CPPED1: variants seen among roughly 807,000 people sequenced by gnomAD.
The protein encoded by CPPED1 is calcineurin like phosphoesterase domain containing 1, also known as serine/threonine-protein phosphatase CPPED1.
Under a neutral mutation model 28.0 loss-of-function variants are expected in CPPED1, and 28 were observed. The observed-to-expected ratio is 1.00, with a 90% confidence interval of 0.74 to 1.37. The LOEUF is 1.37. Ranked by LOEUF, CPPED1 falls within the 40% of genes most tolerant of loss-of-function variation. CPPED1 has a pLI of 0.00. For missense variants in CPPED1, 504 were observed against 416.5 expected, an observed-to-expected ratio of 1.21 and a Z score of -1.83; for synonymous variants, 198 against 180.2, an observed-to-expected ratio of 1.10 and a Z score of -0.79.
intron 3 of CPPED1, among the ~76,000 whole-genome samples, chr16:12,702,527 G>A (rs1374284880): frequency 6.6e-6 from 1 of 151,744 alleles, no homozygotes; most frequent in Non-Finnish European, 1.5e-5. Context: ...GACAAAGCAA[G>A]ACTCTCAATC....
Position 12,709,785 on chromosome 16 carries a change from G to C in CPPED1, c.290-4736C>G, listed in dbSNP as rs1281847726. Reference sequence around the variant, plus strand: ...GACTGACTGCCTTCCTCCAAGATCAGGAACAAGACAAGGAAGTCTGCTCTC... The same window carrying C: ...GACTGACTGCCTTCCTCCAAGATCACGAACAAGACAAGGAAGTCTGCTCTC... On this transcript the variant is annotated intron_variant, in intron 2 of 3. Coordinates refer to ENST00000381774, the MANE Select transcript of CPPED1 (RefSeq NM_018340.3). The surrounding 1 kb of genome is among the most constrained non-coding windows in gnomAD (Gnocchi z 4.4). Among the ~76,000 whole-genome samples the C allele has an allele frequency of 2.0e-5, 3 of 152,026 alleles. No individual in the cohort carries two copies. Among genetic ancestry groups the C allele is most frequent in the Non-Finnish European group, 4.4e-5 (3 of 68,018 alleles).
Position 12,803,813 on chromosome 16 carries a change from G to A in CPPED1, c.-37C>T. On this transcript the variant is annotated 5_prime_UTR_variant, in exon 1 of 4. It adds an upstream start codon to the 5' untranslated region. Transcript: ENST00000381774. ...TTCTGGCCTTCACTTAGAACACTGC[G>A]TGGGTGGAAGCCGCGCGACTTCACA... 5 of 1,570,970 alleles carry A rather than the reference G, an allele frequency of 3.2e-6. No homozygotes were observed. The highest frequency in any genetic ancestry group is 4.3e-6 in the Non-Finnish European group (5 of 1,157,896).
chr16:12,675,591 C>A (rs983209282), intron 3 of CPPED1, among the ~76,000 whole-genome samples: 1 of 152,164 alleles, frequency 6.6e-6, no homozygotes, highest in African/African-American at 2.4e-5. Flanking sequence ...GAGATGCAAC[C>A]CAGTACAATT....
intron 1 of CPPED1, among the ~76,000 whole-genome samples, chr16:12,797,169 C>T (rs1339182857): frequency 1.3e-5 from 2 of 152,130 alleles, no homozygotes; most frequent in Non-Finnish European, 1.5e-5. Context: ...TAGATTGTGA[C>T]TACACCACTC....
intron 2 of CPPED1, among the ~76,000 whole-genome samples, chr16:12,751,270 G>C (rs939088308): frequency 6.6e-6 from 1 of 152,144 alleles, no homozygotes; most frequent in Non-Finnish European, 1.5e-5. Flanking sequence ...TGTTCCAGCA[G>C]AGTGTTCTTA....
At chr16:12,756,750 C>T (rs535498081) in intron 2 of CPPED1, among the ~76,000 whole-genome samples, 16 of 152,092 alleles carry the variant, frequency 1.1e-4, no homozygotes, top group Non-Finnish European at 1.9e-4. Context: ...TCCCTTGACA[C>T]ATGCCAGGAA....
At chr16:12,726,161 C>T (rs1008601698) in intron 2 of CPPED1, among the ~76,000 whole-genome samples, 4 of 152,096 alleles carry the variant, frequency 2.6e-5, no homozygotes, top group African/African-American at 7.2e-5. Context: ...CCTGCCTCAG[C>T]CTCCCGAGTA....
chr16:12,732,233 T>C (rs1284441723), intron 2 of CPPED1, among the ~76,000 whole-genome samples: 2 of 68,044 alleles, frequency 2.9e-5, no homozygotes, highest in Non-Finnish European at 6.0e-5. Flanking sequence ...AAAGGAATAA[T>C]GAAAAAAAAA....
intron 3 of CPPED1, among the ~76,000 whole-genome samples, chr16:12,684,647 C>A (rs1254330267): frequency 6.6e-6 from 1 of 152,180 alleles, no homozygotes; most frequent in East Asian, 1.9e-4. Flanking sequence ...AGGGCTGCTT[C>A]TTCTTCATCC....
chr16:12,795,773 C>A (rs2080624318), intron 1 of CPPED1, among the ~76,000 whole-genome samples: 1 of 152,164 alleles, frequency 6.6e-6, no homozygotes, highest in South Asian at 2.1e-4. Context: ...TCATACTCAT[C>A]CATTTACTCA....
At position 12,732,499 on chromosome 16, in the gene CPPED1, G is replaced by GAGAGAGGC. The variant is rs756869730; in HGVS notation, c.290-27451_290-27450insGCCTCTCT. ...AAACACACACACACACAGATGGAGA[G>GAGAGAGGC]AGAGAGAGAGAGAGAGAGACAGAGA... On this transcript the variant is annotated intron_variant, in intron 2 of 3. Transcript: ENST00000381774. Among the ~76,000 whole-genome samples, 1,009 of 148,866 alleles carry GAGAGAGGC rather than the reference G, an allele frequency of 6.8e-3. 5 individuals are homozygous for GAGAGAGGC. Among genetic ancestry groups the GAGAGAGGC allele is most frequent in the Middle Eastern group, 0.035 (10 of 288 alleles).
intron 2 of CPPED1, among the ~76,000 whole-genome samples, chr16:12,737,171 G>C (rs577950691): frequency 1.3e-5 from 2 of 152,176 alleles, no homozygotes; most frequent in East Asian, 1.9e-4. Context: ...GTCTGGGCGA[G>C]AGAGTGAGAC....
intron 2 of CPPED1, chr16:12,752,873 T>C (rs1596471836): frequency 6.8e-6 from 1 of 146,878 alleles, no homozygotes; most frequent in Non-Finnish European, 1.5e-5. Flanking sequence ...TATTTATTAA[T>C]ATAATATATA....
chr16:12,737,986 T>A (rs1380430301), intron 2 of CPPED1, among the ~76,000 whole-genome samples: 1 of 152,244 alleles, frequency 6.6e-6, no homozygotes, highest in Non-Finnish European at 1.5e-5. Flanking sequence ...TGATAATGAC[T>A]GACGCCTTCC....
intron 3 of CPPED1, among the ~76,000 whole-genome samples, chr16:12,692,941 C>T (rs941242755): frequency 2.0e-5 from 3 of 152,194 alleles, no homozygotes; most frequent in Non-Finnish European, 4.4e-5. Context: ...GACAATGTTA[C>T]TGCAGGGAAT....
At chr16:12,741,378 T>G (rs2080254550) in intron 2 of CPPED1, among the ~76,000 whole-genome samples, 1 of 139,074 alleles carries the variant, frequency 7.2e-6, no homozygotes, top group South Asian at 2.3e-4. Context: ...CACATGTGAG[T>G]GGAGAGAGAT....
At chr16:12,729,067 ATCTGCC>A (rs1278089970) in intron 2 of CPPED1, among the ~76,000 whole-genome samples, 1 of 152,120 alleles carries the variant, frequency 6.6e-6, no homozygotes, top group Non-Finnish European at 1.5e-5. Flanking sequence ...GCAATTTCTG[ATCTGCC>A]TGTCACCATC....
At chr16:12,694,870 C>A (rs766437538) in intron 3 of CPPED1, among the ~76,000 whole-genome samples, 5 of 152,062 alleles carry the variant, frequency 3.3e-5, no homozygotes, top group Non-Finnish European at 5.9e-5. Flanking sequence ...CTCCGCCTCC[C>A]AGCTTCAAGC....
intron 3 of CPPED1, among the ~76,000 whole-genome samples, chr16:12,685,838 G>C (rs887224109): frequency 6.6e-6 from 1 of 152,230 alleles, no homozygotes; most frequent in African/African-American, 2.4e-5. Flanking sequence ...AGGAAACCAC[G>C]GGGGTGTCTG....
Sources: gnomAD v4.1 joint callset for allele counts (sites outside exome capture counted in the v4.1 genomes callset) on GRCh38, gnomAD v4.1.1 for gene constraint, Gnocchi (gnomAD v3.1) non-coding constraint, MANE v1.5 for transcripts, NCBI Gene and HGNC (gene_info 2026-07-23, HGNC 2026-07-21) for gene names.